The following CCL5 variants were observed in gnomAD, a reference collection of about 807,000 sequenced individuals.
CCL5 encodes C-C motif chemokine 5.
Under a neutral mutation model 9.0 loss-of-function variants are expected in CCL5, and 5 were observed. The observed-to-expected ratio is 0.55, with a 90% CI of 0.29 to 1.16. The LOEUF (loss-of-function observed/expected upper bound fraction) is 1.16, where lower values mean the gene tolerates loss of function less well. Ranked by LOEUF, CCL5 falls within the 50% of genes most tolerant of loss-of-function variation. The pLI is 0.08. For synonymous variants in CCL5, 66 were observed against 72.0 expected (o/e 0.92, Z 0.42); for missense variants, 183 against 183.2 (o/e 1.00, Z 0.01).
chr17:35,872,811 G>C (rs995475021), intron 3 of CCL5, among the ~76,000 whole-genome samples: 8 of 152,168 alleles, frequency 5.3e-5, no homozygotes, highest in African/African-American at 1.4e-4. Context: ...GCCTTGTGCT[G>C]GGTGCTTAAG....
intron 2 of CCL5, among the ~76,000 whole-genome samples, chr17:35,877,848 A>T (rs2088460617): frequency 1.3e-5 from 2 of 151,804 alleles, no homozygotes; most frequent in Non-Finnish European, 2.9e-5. Flanking sequence ...AGTTCCTCTG[A>T]GGTTTAGGTG....
intron 1 of CCL5, among the ~76,000 whole-genome samples, chr17:35,879,625 G>A (rs1205688436): frequency 9.3e-6 from 1 of 107,170 alleles, no homozygotes; most frequent in Non-Finnish European, 1.7e-5. Context: ...ACAGAGCGAA[G>A]ACTCCATCTC....
chr17:35,880,207 T>G (rs1395759659), intron 1 of CCL5, 23 bp downstream of exon 1: 1 of 1,604,040 alleles, frequency 6.2e-7, no homozygotes, highest in Non-Finnish European at 8.5e-7. Flanking sequence ...CCAGGGGCTG[T>G]GGTGGTCAAG....
rs368100847 is a variant in CCL5, at chr17:35,872,481, G to A, written c.271-17C>T. The A allele has an allele frequency of 2.5e-5, 40 of 1,612,098 alleles. No homozygotes were observed. Among genetic ancestry groups the A allele is most frequent in the Non-Finnish European group, 3.2e-5 (38 of 1,178,292 alleles). ...GTGACAAAGCTGTGGGAGAGGAGAA[G>A]AAGAGGGAGGATGAGACCTTGTCAG... On this transcript the variant is annotated splice_polypyrimidine_tract_variant and intron_variant, in intron 3 of 3. Transcript: ENST00000651122.
intron 2 of CCL5, among the ~76,000 whole-genome samples, 163 bp downstream of exon 2, chr17:35,878,365 A>G (rs1165589568): frequency 1.3e-5 from 2 of 150,088 alleles, no homozygotes; most frequent in East Asian, 2.0e-4. Context: ...CTCTAAGGAC[A>G]GCTTGTCTAG....
chr17:35,872,799 A>G (rs1347270397), intron 3 of CCL5, among the ~76,000 whole-genome samples: 1 of 152,198 alleles, frequency 6.6e-6, no homozygotes, highest in Non-Finnish European at 1.5e-5. Context: ...CCTCTGCTCC[A>G]GGCCTTGTGC....
intron 2 of CCL5, among the ~76,000 whole-genome samples, chr17:35,877,969 A>G (rs1416136536): frequency 6.6e-6 from 1 of 152,122 alleles, no homozygotes; most frequent in Non-Finnish European, 1.5e-5. Context: ...CCATGTTTCA[A>G]GTAAAGGCCA....
intron 2 of CCL5, among the ~76,000 whole-genome samples, chr17:35,877,043 C>G (rs2144029293): frequency 6.6e-6 from 1 of 152,244 alleles, no homozygotes; most frequent in East Asian, 1.9e-4. Flanking sequence ...TAATCTGTGT[C>G]TGCCAATAGT....
intron 2 of CCL5, among the ~76,000 whole-genome samples, chr17:35,878,226 T>C (rs969019739): frequency 7.7e-6 from 1 of 130,170 alleles, no homozygotes; most frequent in African/African-American, 3.0e-5. Flanking sequence ...GAGCTTGCAG[T>C]GAGCCGAGAT....
intron 3 of CCL5, among the ~76,000 whole-genome samples, chr17:35,875,048 A>G (rs1463963245): frequency 6.6e-6 from 1 of 152,030 alleles, no homozygotes; most frequent in Non-Finnish European, 1.5e-5. Flanking sequence ...TAAAAAAAAA[A>G]AGAAATGTAT....
In CCL5 at chr17:35,872,262, T is replaced by C. The variant is rs766454792; in HGVS notation, c.*8A>G. On this transcript the variant is annotated 3_prime_UTR_variant, in exon 4 of 4. Transcript: ENST00000651122. ...GTAACTGCTGCTGTGTGGTAGAATC[T>C]GGGCCCTTCAAGGAGCGGGTGGGGT... The C allele has an allele frequency of 7.2e-6, 11 of 1,536,594 alleles. 1 individual carries two copies. The South Asian group carries it at 1.2e-4, about 17-fold the overall frequency.
Position 35,872,445 on chromosome 17 carries a change from G to C in CCL5, c.290C>G (p.Pro97Arg). The C allele has an allele frequency of 6.2e-7, 1 of 1,614,042 alleles. No individual in the cohort carries two copies. Among genetic ancestry groups the C allele is most frequent in the Admixed American group, 1.7e-5 (1 of 60,004 alleles). The change falls in exon 4 of 4, where the codon CCG (proline) becomes CGG (arginine). Residue 97 changes from proline to arginine, a missense_variant. Coordinates refer to ENST00000651122, the MANE Select transcript of CCL5 (RefSeq NM_001278736.2). Reference sequence around the variant, plus strand: ...TTCTCTGGGTTGGCACACACTTGGCGGTTCTTTCGGGTGACAAAGCTGTGG... The same window carrying C: ...TTCTCTGGGTTGGCACACACTTGGCCGTTCTTTCGGGTGACAAAGCTGTGG...
chr17:35,872,608 T>C, intron 3 of CCL5, 144 bp from the exon 3 acceptor site: 1 of 684,508 alleles, frequency 1.5e-6, no homozygotes, highest in Admixed American at 2.5e-5. Context: ...AGATTTTATT[T>C]GTGGCTTTTA....
In CCL5 at chr17:35,878,282, CAAAAAAAAAAAAAAAA is replaced by C. The variant is rs4013866; in HGVS notation, c.188+230_188+245del. 3.8e-4 allele frequency among the ~76,000 whole-genome samples: 12 copies of C among 31,998 alleles called. No homozygotes were observed. The South Asian group carries it at 0.014, about 36-fold the overall frequency. The allele number at this position is 31,998 out of a possible 152,430, so 21.0% of individuals were successfully genotyped here. A position where few individuals can be genotyped will look rare whatever the true frequency, so the allele number is the denominator to read the frequency against. On this transcript the variant is annotated intron_variant, in intron 2 of 3. Transcript: ENST00000651122. ...TGGGCGACAGAGTGAGACTCTGTCT[CAAAAAAAAAAAAAAAA>C]AAAAAAAAAAAAAGATTGGAGTCCT...
intron 3 of CCL5, among the ~76,000 whole-genome samples, chr17:35,874,164 C>T (rs2088412829): frequency 6.6e-6 from 1 of 152,110 alleles, no homozygotes; most frequent in Non-Finnish European, 1.5e-5. Flanking sequence ...AGGATTTTTT[C>T]CTGCACATTA....
At position 35,879,959 on chromosome 17, in the gene CCL5, C is replaced by T. The variant is rs558013570; in HGVS notation, c.76+271G>A. 7.9e-5 allele frequency among the ~76,000 whole-genome samples: 12 copies of T among 152,308 alleles called. 1 individual carries two copies. In the East Asian group the frequency reaches 2.3e-3, roughly 29 times the overall value. On this transcript the variant is annotated intron_variant, in intron 1 of 3. Coordinates refer to ENST00000651122, the MANE Select transcript of CCL5 (RefSeq NM_001278736.2). ...TACTAATCTCCCCAACATGAGTCCACACTCAGTGAACACCTGTAGGCCTTG... is the reference window on the plus strand; with the variant it reads ...TACTAATCTCCCCAACATGAGTCCATACTCAGTGAACACCTGTAGGCCTTG...
intron 3 of CCL5, among the ~76,000 whole-genome samples, chr17:35,873,078 T>C (rs2088394220): frequency 6.6e-6 from 1 of 151,904 alleles, no homozygotes; most frequent in Middle Eastern, 3.4e-3. Flanking sequence ...TTAGTAAAGA[T>C]GGGGTTTTAC....
rs1010297635 is a variant in CCL5, at chr17:35,871,745, TTTG to T, written c.*522_*524del. On this transcript the variant is annotated 3_prime_UTR_variant, in exon 4 of 4. Transcript: ENST00000651122. ...TTCTAGGCTTTAGTTGGGGAAGCTT[TTTG>T]TTGTTGTTGTTGTGACGGAGTCTCA... 2.4e-4 allele frequency: 37 copies of T among 152,168 alleles called. No homozygotes were observed. Among genetic ancestry groups the T allele is most frequent in the African/African-American group, 4.8e-4 (20 of 41,530 alleles). The allele number at this position is 152,168 out of a possible 1,614,324, so 9.4% of individuals were successfully genotyped here. A position where few individuals can be genotyped will look rare whatever the true frequency, so the allele number is the denominator to read the frequency against.
intron 2 of CCL5, among the ~76,000 whole-genome samples, chr17:35,876,989 T>G (rs2088449372): frequency 6.6e-6 from 1 of 152,178 alleles, no homozygotes; most frequent in African/African-American, 2.4e-5. Flanking sequence ...CCCCTCTTAT[T>G]AGACTATGAG....
Sources: gnomAD v4.1 joint callset for allele counts (sites outside exome capture counted in the v4.1 genomes callset) on GRCh38, gnomAD v4.1.1 for gene constraint, MANE v1.5 for transcripts, NCBI Gene and HGNC (gene_info 2026-07-23, HGNC 2026-07-21) for gene names.